PDZD2: variants seen among roughly 807,000 people sequenced by gnomAD.
PDZD2 encodes the protein PDZ domain containing 2, also known as PDZ domain-containing protein 2.
PDZD2 carries 90 observed loss-of-function variants against 220.7 expected under a neutral mutation model. The observed-to-expected ratio is 0.41, with a 90% CI of 0.34 to 0.49. PDZD2 has a LOEUF of 0.49. Ranked by LOEUF, PDZD2 falls within the 20% of genes least tolerant of loss-of-function variation. PDZD2 has a pLI of 0.28. For synonymous variants in PDZD2, 1,375 were observed against 1,450.5 expected (o/e 0.95, Z 1.18); for missense variants, 3,174 against 3,608.5 (o/e 0.88, Z 3.08).
chr5:31,898,836 CTTTG>C lies in PDZD2; in HGVS notation c.477-84310_477-84307del, dbSNP rs377134007. 9.9e-3 allele frequency among the ~76,000 whole-genome samples: 924 copies of C among 93,796 alleles called. 7 individuals carry two copies. The highest frequency in any genetic ancestry group is 0.033 in the African/African-American group (854 of 25,710). 61.5% of individuals were successfully genotyped at this position (93,796 alleles called of 152,430 possible). On this transcript the variant is annotated intron_variant, in intron 2 of 24. Transcript: ENST00000438447. ...TTTTTTTTTTTTTTTTGTTTTTTTT[CTTTG>C]TTTGTTTGAGACGGAGTCTCGCTCT...
chr5:31,882,727 A>G (rs189957198), intron 2 of PDZD2, among the ~76,000 whole-genome samples: 1 of 152,204 alleles, frequency 6.6e-6, no homozygotes, highest in Non-Finnish European at 1.5e-5. Context: ...GAAACCTACA[A>G]TTTAAAAGGC....
At chr5:31,703,454 C>T (rs1747682747) in intron 1 of PDZD2, among the ~76,000 whole-genome samples, 1 of 151,790 alleles carries the variant, frequency 6.6e-6, no homozygotes, top group African/African-American at 2.4e-5. Flanking sequence ...GGGAGGGGAA[C>T]ATCACACACC....
chr5:31,939,358 A>C (rs1746027940), intron 2 of PDZD2, among the ~76,000 whole-genome samples: 1 of 152,326 alleles, frequency 6.6e-6, no homozygotes, highest in East Asian at 1.9e-4. Context: ...CTGGAAACCA[A>C]CCAGACTGAG....
intron 2 of PDZD2, among the ~76,000 whole-genome samples, chr5:31,820,240 C>T (rs1335492028): frequency 6.6e-6 from 1 of 152,170 alleles, no homozygotes; most frequent in East Asian, 1.9e-4. Context: ...TTCTTAATTC[C>T]ATCCCACTCC....
chr5:31,986,114 C>T (rs562134219), intron 3 of PDZD2, among the ~76,000 whole-genome samples: 1 of 149,906 alleles, frequency 6.7e-6, no homozygotes, highest in South Asian at 2.1e-4. Context: ...CTTCTGGAGT[C>T]GCTATTTGAA....
At chr5:31,984,508 G>A (rs1395371013) in intron 3 of PDZD2, among the ~76,000 whole-genome samples, 1 of 152,186 alleles carries the variant, frequency 6.6e-6, no homozygotes, top group Non-Finnish European at 1.5e-5. Flanking sequence ...GCCCCTTAGG[G>A]ATGAAAGAGA....
At chr5:31,986,016 G>C (rs1247109038) in intron 3 of PDZD2, among the ~76,000 whole-genome samples, 2 of 148,906 alleles carry the variant, frequency 1.3e-5, no homozygotes, top group African/African-American at 5.0e-5. Context: ...CGGAGGTTGC[G>C]GTGAGCCAAG....
chr5:31,747,232 C>T (rs1750656227), intron 1 of PDZD2, among the ~76,000 whole-genome samples: 1 of 152,102 alleles, frequency 6.6e-6, no homozygotes, highest in Admixed American at 6.5e-5. Flanking sequence ...GAAATGAAGA[C>T]CCAAAGAAAT....
intron 1 of PDZD2, among the ~76,000 whole-genome samples, chr5:31,756,438 T>G (rs192863068): frequency 6.6e-6 from 1 of 152,332 alleles, no homozygotes; most frequent in Admixed American, 6.5e-5. Context: ...AAGGAAGGGA[T>G]AGAGGAGCTT....
At chr5:31,851,275 A>G (rs1003894054) in intron 2 of PDZD2, among the ~76,000 whole-genome samples, 10 of 152,100 alleles carry the variant, frequency 6.6e-5, no homozygotes, top group African/African-American at 2.2e-4. Context: ...ATTCTTTATT[A>G]TGGGGTAGGG....
intron 7 of PDZD2, among the ~76,000 whole-genome samples, chr5:32,041,083 G>A (rs77834617): frequency 8.0e-5 from 11 of 136,874 alleles, no homozygotes; most frequent in Admixed American, 2.2e-4. Flanking sequence ...GCCTCTGTCC[G>A]GCCGCCCCAT....
At chr5:31,963,643 T>A (rs1748450431) in intron 2 of PDZD2, among the ~76,000 whole-genome samples, 1 of 152,178 alleles carries the variant, frequency 6.6e-6, no homozygotes, top group Non-Finnish European at 1.5e-5. Flanking sequence ...TCTGGGATCA[T>A]CCTCGGAGTT....
At chr5:32,076,676 A>G (rs4867417) in intron 18 of PDZD2, among the ~76,000 whole-genome samples, 10,765 of 152,284 alleles carry the variant, frequency 0.071, 531 homozygotes, top group East Asian at 0.23. Flanking sequence ...GTACAAGTCA[A>G]TGGCACTTAG....
intron 23 of PDZD2, chr5:32,100,772 A>G: frequency 1.5e-6 from 1 of 665,100 alleles, no homozygotes; most frequent in Non-Finnish European, 2.4e-6. Flanking sequence ...CTCACTGAGA[A>G]GTGCACAGCC....
intron 2 of PDZD2, among the ~76,000 whole-genome samples, chr5:31,939,564 G>A (rs899163473): frequency 7.2e-5 from 11 of 152,182 alleles, no homozygotes; most frequent in Admixed American, 6.5e-4. Context: ...GGCAGTGTGT[G>A]TCAGAATTCT....
intron 2 of PDZD2, among the ~76,000 whole-genome samples, chr5:31,807,824 C>T (rs546523918): frequency 6.6e-5 from 10 of 152,232 alleles, no homozygotes; most frequent in Non-Finnish European, 1.2e-4. Flanking sequence ...GGGCTCAGGG[C>T]GACAGGCCAA....
intron 6 of PDZD2, among the ~76,000 whole-genome samples, chr5:32,028,496 TAATG>T (rs1000337345): frequency 1.8e-4 from 28 of 152,194 alleles, no homozygotes; most frequent in African/African-American, 6.5e-4. Context: ...GTCAACATAA[TAATG>T]TTCAAATAAA....
At position 31,977,022 on chromosome 5, in the gene PDZD2, G is replaced by GT. The variant is rs982997145; in HGVS notation, c.477-6120dup. Among the ~76,000 whole-genome samples the GT allele has an allele frequency of 4.1e-3, 594 of 143,286 alleles. 3 individuals are homozygous for GT. Among genetic ancestry groups the GT allele is most frequent in the African/African-American group, 7.8e-3 (307 of 39,376 alleles). 94.0% of individuals were successfully genotyped at this position (143,286 alleles called of 152,430 possible). ...TGAGCCAACGCGCCTGGCCAGTTTT[G>GT]TTTTTTTTTTTTTAAAGTAGAGACA... On this transcript the variant is annotated intron_variant, in intron 2 of 24. Transcript: ENST00000438447.
At chr5:31,665,317 C>T (rs1745941005) in intron 1 of PDZD2, among the ~76,000 whole-genome samples, 1 of 152,240 alleles carries the variant, frequency 6.6e-6, no homozygotes, top group Non-Finnish European at 1.5e-5. Flanking sequence ...CCTTGCCCTT[C>T]CTGTGGCTAG....
Sources: gnomAD v4.1 joint callset for allele counts (sites outside exome capture counted in the v4.1 genomes callset) on GRCh38, gnomAD v4.1.1 for gene constraint, MANE v1.5 for transcripts, NCBI Gene and HGNC (gene_info 2026-07-23, HGNC 2026-07-21) for gene names.